BRINP3: variants seen among roughly 807,000 people sequenced by gnomAD.
BRINP3 encodes the protein BMP/retinoic acid-inducible neural-specific protein 3.
A neutral mutation model predicts 71.0 loss-of-function variants in BRINP3; 19 were observed. The observed-to-expected ratio is 0.27, with a 90% CI of 0.19 to 0.39. BRINP3 has a LOEUF of 0.39. Among genes scored for constraint, BRINP3 ranks in the 10% least tolerant of loss-of-function variants. The pLI is 1.00. For synonymous variants in BRINP3, 380 were observed against 337.7 expected (o/e 1.13, Z -1.37); for missense variants, 959 against 940.8 (o/e 1.02, Z -0.25).
intron 2 of BRINP3, chr1:190,302,703 G>A (rs1571687895): frequency 6.6e-6 from 1 of 151,844 alleles, no homozygotes; most frequent in Non-Finnish European, 1.5e-5. Flanking sequence ...TCTTCTGCAG[G>A]TTAGTTTTGG....
At chr1:190,221,601 C>T (rs1656898855) in intron 6 of BRINP3, among the ~76,000 whole-genome samples, 1 of 151,944 alleles carries the variant, frequency 6.6e-6, no homozygotes, top group African/African-American at 2.4e-5. Context: ...ATCTCACTTC[C>T]CCAATTATAA....
chr1:190,436,662 C>A (rs1674477575), intron 2 of BRINP3, among the ~76,000 whole-genome samples: 1 of 151,738 alleles, frequency 6.6e-6, no homozygotes. Flanking sequence ...TAATTCATCT[C>A]ATACAATTTA....
intron 2 of BRINP3, among the ~76,000 whole-genome samples, chr1:190,362,939 T>C (rs971127220): frequency 6.6e-6 from 1 of 152,164 alleles, no homozygotes; most frequent in African/African-American, 2.4e-5. Context: ...TTTTTAATTT[T>C]AAAATAAAAT....
chr1:190,103,657 G>A (rs1164855614), intron 7 of BRINP3, among the ~76,000 whole-genome samples: 1 of 152,016 alleles, frequency 6.6e-6, no homozygotes, highest in African/African-American at 2.4e-5. Flanking sequence ...CAATATGGAG[G>A]AATATGTCTA....
intron 4 of BRINP3, among the ~76,000 whole-genome samples, chr1:190,240,872 C>CAAAAAA (rs71123078): frequency 7.8e-5 from 3 of 38,266 alleles, no homozygotes; most frequent in African/African-American, 1.1e-4. Flanking sequence ...AACTCTGTCT[C>CAAAAAA]AAAAAAAAAA....
chr1:190,120,669 T>G lies in BRINP3; in HGVS notation c.1185-21535A>C, dbSNP rs906657410. On this transcript the variant is annotated intron_variant, in intron 7 of 7. Transcript: ENST00000367462. ...GCCACCACGCCCGGCTAATTTTTTT[T>G]TTTTTTTGTATTTTTAGTAAAGACG... Among the ~76,000 whole-genome samples, 215 of 151,638 alleles carry G rather than the reference T, an allele frequency of 1.4e-3. 2 individuals are homozygous for G. The highest frequency in any genetic ancestry group is 4.4e-3 in the Admixed American group (67 of 15,206).
intron 7 of BRINP3, among the ~76,000 whole-genome samples, chr1:190,130,731 C>T (rs1196973816): frequency 2.0e-5 from 3 of 152,004 alleles, no homozygotes; most frequent in East Asian, 1.9e-4. Context: ...GGTATAGCCA[C>T]GTGACAAGTT....
chr1:190,284,128 CTA>C (rs1009513757), intron 2 of BRINP3, among the ~76,000 whole-genome samples: 17 of 151,882 alleles, frequency 1.1e-4, no homozygotes, highest in African/African-American at 3.9e-4. Context: ...AAGTGCAATT[CTA>C]TGTTTTTTAA....
intron 2 of BRINP3, among the ~76,000 whole-genome samples, chr1:190,368,979 T>C (rs1429040443): frequency 6.6e-6 from 1 of 152,170 alleles, no homozygotes; most frequent in East Asian, 1.9e-4. Context: ...TTCATCTGAA[T>C]CTTGTTATTA....
At chr1:190,209,851 C>A (rs923972311) in intron 6 of BRINP3, among the ~76,000 whole-genome samples, 1 of 152,062 alleles carries the variant, frequency 6.6e-6, no homozygotes, top group Admixed American at 6.6e-5. Context: ...ATATAAATTA[C>A]ACATTAATTC....
intron 2 of BRINP3, among the ~76,000 whole-genome samples, chr1:190,351,616 T>C (rs760326893): frequency 2.2e-4 from 33 of 152,232 alleles, no homozygotes; most frequent in Non-Finnish European, 4.4e-4. Context: ...AATACAATGG[T>C]CATTCCAGGC....
At chr1:190,401,308 A>G (rs1280665166) in intron 2 of BRINP3, among the ~76,000 whole-genome samples, 1 of 149,924 alleles carries the variant, frequency 6.7e-6, no homozygotes, top group Non-Finnish European at 1.5e-5. Flanking sequence ...CAGTGAGCCA[A>G]GATGAAGCCA....
At chr1:190,317,279 G>A (rs1210431224) in intron 2 of BRINP3, among the ~76,000 whole-genome samples, 1 of 151,576 alleles carries the variant, frequency 6.6e-6, no homozygotes, top group Non-Finnish European at 1.5e-5. Context: ...AATGGGGCAC[G>A]TAATTGCTGC....
intron 2 of BRINP3, among the ~76,000 whole-genome samples, chr1:190,347,349 C>T (rs1668089367): frequency 6.6e-6 from 1 of 152,218 alleles, no homozygotes; most frequent in Non-Finnish European, 1.5e-5. Flanking sequence ...ACCATGTTGG[C>T]CAGGATGGTC....
chr1:190,124,779 T>A (rs910094524), intron 7 of BRINP3, among the ~76,000 whole-genome samples: 3 of 151,574 alleles, frequency 2.0e-5, no homozygotes, highest in Non-Finnish European at 4.4e-5. Context: ...GGGAGAAGAG[T>A]GGTTGTCCTA....
chr1:190,328,735 A>T (rs1666772374), intron 2 of BRINP3, among the ~76,000 whole-genome samples: 1 of 151,868 alleles, frequency 6.6e-6, no homozygotes, highest in Non-Finnish European at 1.5e-5. Context: ...AAAAAAAAAA[A>T]AATACAGGCC....
At chr1:190,433,670 AATT>A (rs1674255583) in intron 2 of BRINP3, among the ~76,000 whole-genome samples, 1 of 152,116 alleles carries the variant, frequency 6.6e-6, no homozygotes, top group South Asian at 2.1e-4. Flanking sequence ...CACAATCTGA[AATT>A]ATTATGCTAT....
intron 7 of BRINP3, among the ~76,000 whole-genome samples, chr1:190,152,761 T>C (rs984989584): frequency 3.3e-5 from 5 of 152,052 alleles, no homozygotes; most frequent in Non-Finnish European, 7.4e-5. Context: ...ACTATATTTC[T>C]ACAGACTTTA....
At position 190,173,288 on chromosome 1, in the gene BRINP3, C is replaced by G. The variant is rs557655550; in HGVS notation, c.962-12398G>C. ...CATAGCAACCATCTGGCCAATGAGA[C>G]AAAAGCAAGAATCTGTACGTGGGGG... is the stretch of plus-strand genomic sequence containing the variant. On this transcript the variant is annotated intron_variant, in intron 6 of 7. Coordinates refer to ENST00000367462, the MANE Select transcript of BRINP3 (RefSeq NM_199051.3). Among the ~76,000 whole-genome samples the G allele has an allele frequency of 7.9e-5, 12 of 152,232 alleles. No individual in the cohort carries two copies. The South Asian group carries it at 1.7e-3, about 21-fold the overall frequency.
Sources: gnomAD v4.1 joint callset for allele counts (sites outside exome capture counted in the v4.1 genomes callset) on GRCh38, gnomAD v4.1.1 for gene constraint, MANE v1.5 for transcripts, NCBI Gene and HGNC (gene_info 2026-07-23, HGNC 2026-07-21) for gene names.